The following LIPI variants were observed in gnomAD, a reference collection of about 807,000 sequenced individuals.
The protein encoded by LIPI is lipase member I.
LIPI carries 59 observed loss-of-function variants against 50.6 expected under a neutral mutation model. That is an observed-to-expected ratio of 1.16 (90% CI 0.94 to 1.45). The LOEUF (loss-of-function observed/expected upper bound fraction) is 1.45. LIPI is among the 40% of genes most tolerant of loss of function. The pLI is 0.00. For synonymous variants in LIPI, 203 were observed against 178.2 expected (o/e 1.14, Z -1.11); for missense variants, 586 against 536.3 (o/e 1.09, Z -0.92).
intron 1 of LIPI, among the ~76,000 whole-genome samples, chr21:14,191,558 A>T (rs1452633881): frequency 3.9e-5 from 6 of 152,166 alleles, no homozygotes; most frequent in Non-Finnish European, 7.3e-5. Flanking sequence ...AAGGAGGTAC[A>T]CAGGCAATTT....
At chr21:14,126,576 C>T (rs192012572) in intron 9 of LIPI, among the ~76,000 whole-genome samples, 2 of 152,176 alleles carry the variant, frequency 1.3e-5, no homozygotes, top group East Asian at 1.9e-4. Flanking sequence ...AGACTTTTTT[C>T]CTTGTCATTA....
At chr21:14,172,920 G>A (rs1040911324) in intron 4 of LIPI, among the ~76,000 whole-genome samples, 1 of 152,032 alleles carries the variant, frequency 6.6e-6, no homozygotes, top group Non-Finnish European at 1.5e-5. Flanking sequence ...CCTTGCAGTC[G>A]AAAATACTTT....
chr21:14,174,394 A>C (rs897930403), intron 4 of LIPI, among the ~76,000 whole-genome samples: 3 of 142,200 alleles, frequency 2.1e-5, no homozygotes, highest in Admixed American at 1.4e-4. Context: ...CTAATTAATT[A>C]TTATAAAGCA....
At chr21:14,175,253 A>C (rs192083617) in intron 4 of LIPI, among the ~76,000 whole-genome samples, 436 of 152,322 alleles carry the variant, frequency 2.9e-3, no homozygotes, top group Middle Eastern at 0.01. Flanking sequence ...ATAATGCTGA[A>C]TAGTTGTAGC....
chr21:14,207,850 A>G (rs1332325989), intron 1 of LIPI, among the ~76,000 whole-genome samples: 4 of 152,210 alleles, frequency 2.6e-5, no homozygotes, highest in Non-Finnish European at 5.9e-5. Context: ...TACGTGACCA[A>G]ATCAACATTT....
intron 9 of LIPI, among the ~76,000 whole-genome samples, chr21:14,117,480 T>C (rs2016694807): frequency 6.6e-6 from 1 of 152,130 alleles, no homozygotes; most frequent in South Asian, 2.1e-4. Context: ...TAGAAACTGA[T>C]CCAGGCTGGG....
intron 9 of LIPI, among the ~76,000 whole-genome samples, chr21:14,140,158 AG>A (rs1440872282): frequency 3.3e-5 from 5 of 152,168 alleles, no homozygotes; most frequent in African/African-American, 1.2e-4. Context: ...AACACTTAAG[AG>A]GCTATTTTAA....
intron 8 of LIPI, among the ~76,000 whole-genome samples, chr21:14,145,637 A>C (rs1275550798): frequency 6.6e-6 from 1 of 152,154 alleles, no homozygotes; most frequent in Non-Finnish European, 1.5e-5. Flanking sequence ...GAGAAAGAAA[A>C]GTAGAAGGCG....
At chr21:14,179,399 C>T (rs1039754982) in intron 4 of LIPI, among the ~76,000 whole-genome samples, 5 of 152,070 alleles carry the variant, frequency 3.3e-5, no homozygotes, top group African/African-American at 1.2e-4. Flanking sequence ...AAAGATCAAT[C>T]CAATGTTCCA....
Position 14,210,914 on chromosome 21 carries a change from T to C in LIPI, c.-69A>G. ...AGGAAATTCCGTAACTCATTGAGGT[T>C]TCTCTTTGGTAGGATCATCACAGGC... On this transcript the variant is annotated 5_prime_UTR_variant, in exon 1 of 10. Coordinates refer to ENST00000681601, the MANE Select transcript of LIPI (RefSeq NM_001302998.2). 8.7e-7 allele frequency: 1 copy of C among 1,149,988 alleles called. No individual in the cohort carries two copies. Among genetic ancestry groups the C allele is most frequent in the South Asian group, 1.8e-5 (1 of 54,130 alleles). 71.2% of individuals were successfully genotyped at this position (1,149,988 alleles called of 1,614,324 possible). A position where few individuals can be genotyped will look rare whatever the true frequency, so the allele number is the denominator to read the frequency against.
chr21:14,167,091 C>A (rs2018715837), intron 4 of LIPI, among the ~76,000 whole-genome samples: 1 of 152,182 alleles, frequency 6.6e-6, no homozygotes, highest in Non-Finnish European at 1.5e-5. Context: ...GTCCTACGCC[C>A]ACGGAGTCTC....
intron 1 of LIPI, among the ~76,000 whole-genome samples, chr21:14,208,835 T>C (rs1317745185): frequency 4.6e-5 from 7 of 152,156 alleles, no homozygotes; most frequent in African/African-American, 1.7e-4. Flanking sequence ...GCAGATCACT[T>C]GAGCCCAAGA....
At chr21:14,123,613 G>T (rs139770976) in intron 9 of LIPI, among the ~76,000 whole-genome samples, 1 of 152,234 alleles carries the variant, frequency 6.6e-6, no homozygotes, top group Non-Finnish European at 1.5e-5. Flanking sequence ...CATAAAGAAG[G>T]ACATTAAGAT....
At chr21:14,151,630 G>T (rs1034165801) in intron 8 of LIPI, among the ~76,000 whole-genome samples, 1 of 152,056 alleles carries the variant, frequency 6.6e-6, no homozygotes, top group African/African-American at 2.4e-5. Context: ...TAGCACAGCA[G>T]GTTGGAAACC....
chr21:14,151,626 A>G (rs544164045), intron 8 of LIPI, among the ~76,000 whole-genome samples: 267 of 152,330 alleles, frequency 1.8e-3, no homozygotes, highest in African/African-American at 5.3e-3. Context: ...AGTCTAGCAC[A>G]GCAGGTTGGA....
intron 9 of LIPI, among the ~76,000 whole-genome samples, chr21:14,128,865 C>A (rs974993129): frequency 6.6e-5 from 10 of 152,034 alleles, no homozygotes; most frequent in African/African-American, 2.4e-4. Flanking sequence ...GTGATCAGAG[C>A]CTTCCTATAT....
At chr21:14,180,008 G>A (rs367796977) in intron 4 of LIPI, among the ~76,000 whole-genome samples, 30 of 152,214 alleles carry the variant, frequency 2.0e-4, no homozygotes, top group South Asian at 1.7e-3. Context: ...TTTTCCTAGC[G>A]AGGAATATTA....
intron 9 of LIPI, among the ~76,000 whole-genome samples, chr21:14,120,219 C>T (rs2016811254): frequency 6.6e-6 from 1 of 152,146 alleles, no homozygotes; most frequent in Non-Finnish European, 1.5e-5. Flanking sequence ...GCTTCATATC[C>T]AAGGGTGTCA....
Position 14,177,826 on chromosome 21 carries a change from CA to C in LIPI, c.643+3931del, listed in dbSNP as rs368479919. The stretch of plus-strand genomic sequence containing the variant: ...TTAACTAGTTCATTGTTCTTCCTTC[CA>C]AAATAGCCACAATCTAAGAATAATT... On this transcript the variant is annotated intron_variant, in intron 4 of 9. Coordinates refer to ENST00000681601, the MANE Select transcript of LIPI (RefSeq NM_001302998.2). Among the ~76,000 whole-genome samples, 10 of 152,150 alleles carry C rather than the reference CA, an allele frequency of 6.6e-5. No individual in the cohort carries two copies. The South Asian group carries it at 2.1e-3, about 32-fold the overall frequency.
Sources: gnomAD v4.1 joint callset for allele counts (sites outside exome capture counted in the v4.1 genomes callset) on GRCh38, gnomAD v4.1.1 for gene constraint, MANE v1.5 for transcripts, NCBI Gene and HGNC (gene_info 2026-07-23, HGNC 2026-07-21) for gene names.